Variants in BNC1 observed in about 807,000 individuals in gnomAD.
The protein encoded by BNC1 is zinc finger protein basonuclin-1.
In BNC1, 8 loss-of-function variants were observed where a neutral mutation model predicts 66.5. That is an observed-to-expected ratio of 0.12 (90% CI 0.07 to 0.22). The LOEUF (loss-of-function observed/expected upper bound fraction) is 0.22, where lower values mean the gene tolerates loss of function less well. Among genes scored for constraint, BNC1 ranks in the 10% least tolerant of loss-of-function variants. The pLI is 1.00. For synonymous variants in BNC1, 454 were observed against 452.6 expected (o/e 1.00, Z -0.04); for missense variants, 1,069 against 1,241.3 (o/e 0.86, Z 2.09).
At chr15:83,282,970 G>C (rs2038394978) in intron 1 of BNC1, among the ~76,000 whole-genome samples, 1 of 152,132 alleles carries the variant, frequency 6.6e-6, no homozygotes. Context: ...CTGAGACCAG[G>C]CGTCTGGGCC....
intron 1 of BNC1, among the ~76,000 whole-genome samples, chr15:83,273,585 C>A (rs1429531739): frequency 6.6e-6 from 1 of 152,184 alleles, no homozygotes; most frequent in African/African-American, 2.4e-5. Flanking sequence ...AATCAACATT[C>A]AAAATCCTGG....
In BNC1 at chr15:83,257,848, G is replaced by A. The variant is rs1156236827; in HGVS notation, c.2579C>T (p.Thr860Ile). The change falls in exon 5 of 5, where the codon ACT becomes ATT. Residue 860 changes from threonine to isoleucine, a missense_variant. Thr to Ile is a moderately conservative substitution (Grantham distance 89). Coordinates refer to ENST00000345382, the MANE Select transcript of BNC1 (RefSeq NM_001717.4). ...LSEGTILDLSTTSSMKSESSS... is the reference protein window; with the variant it reads ...LSEGTILDLSITSSMKSESSS... ...ACTCTCTGACTTCATGCTCGAGGTAGTGCTCAAATCCAGGATGGTGCCCTC... is the reference window on the plus strand; with the variant it reads ...ACTCTCTGACTTCATGCTCGAGGTAATGCTCAAATCCAGGATGGTGCCCTC... 1.2e-6 allele frequency: 2 copies of A among 1,614,092 alleles called. No homozygotes were observed. The highest frequency in any genetic ancestry group is 1.7e-6 in the Non-Finnish European group (2 of 1,180,046).
chr15:83,270,011 G>C (rs984815495), intron 1 of BNC1, among the ~76,000 whole-genome samples: 1 of 152,192 alleles, frequency 6.6e-6, no homozygotes, highest in African/African-American at 2.4e-5. Flanking sequence ...TACATGAAAT[G>C]TCAAGAACAG....
At chr15:83,275,169 A>G (rs1246265857) in intron 1 of BNC1, among the ~76,000 whole-genome samples, 1 of 152,246 alleles carries the variant, frequency 6.6e-6, no homozygotes, top group African/African-American at 2.4e-5. Context: ...ATGAACAACA[A>G]ACAGTATCAT....
intron 1 of BNC1, 43 bp from the exon 2 acceptor site, chr15:83,268,275 T>C (rs752456239): frequency 5.4e-6 from 8 of 1,495,158 alleles, no homozygotes; most frequent in Non-Finnish European, 7.5e-6. Context: ...ATGTAAGTGA[T>C]GTGTGAAACA....
Position 83,273,095 on chromosome 15 carries a change from T to G in BNC1, c.100-4863A>C, listed in dbSNP as rs552615015. Among the ~76,000 whole-genome samples, 233 of 152,330 alleles carry G rather than the reference T, an allele frequency of 1.5e-3. 1 individual carries two copies. Among genetic ancestry groups the G allele is most frequent in the African/African-American group, 5.4e-3 (226 of 41,562 alleles). Reference sequence around the variant, plus strand: ...ATAATTTTGTCTATAATTCAATGAATGAATGCAGCTTTATGAGAAATATTC... The same window carrying G: ...ATAATTTTGTCTATAATTCAATGAAGGAATGCAGCTTTATGAGAAATATTC... On this transcript the variant is annotated intron_variant, in intron 1 of 4. Coordinates refer to ENST00000345382, the MANE Select transcript of BNC1 (RefSeq NM_001717.4).
chr15:83,257,705 T>TG lies in BNC1; in HGVS notation c.2721dup (p.Ile908HisfsTer9). On this transcript the variant is annotated frameshift_variant, in exon 5 of 5. Transcript: ENST00000345382. LOFTEE classifies it high-confidence loss of function. ...TCAGCCTTCTCCATCAGGACACAGA[T>TG]GGGGTACTCATCTTCCCCAGGGACA... 1 of 1,614,076 alleles carries TG rather than the reference T, an allele frequency of 6.2e-7. No homozygotes were observed. The highest frequency in any genetic ancestry group is 8.5e-7 in the Non-Finnish European group (1 of 1,179,996).
Position 83,263,967 on chromosome 15 carries a change from G to A in BNC1, c.1284C>T (p.Asn428=). ...NRNNRDKDLR[N]SLNLASSENY... is the part of the protein sequence containing the mutation. ...TCTCAGAGCTGGCCAGGTTCAGGCTGTTCCTGAGGTCTTTGTCCCGGTTAT... is the reference window on the plus strand; with the variant it reads ...TCTCAGAGCTGGCCAGGTTCAGGCTATTCCTGAGGTCTTTGTCCCGGTTAT... The change falls in exon 4 of 5, where the codon AAC becomes AAT. Residue 428 remains asparagine, a synonymous_variant. Coordinates refer to ENST00000345382, the MANE Select transcript of BNC1 (RefSeq NM_001717.4). 1.2e-6 allele frequency: 2 copies of A among 1,614,212 alleles called. No homozygotes were observed. Among genetic ancestry groups the A allele is most frequent in the South Asian group, 1.1e-5 (1 of 91,086 alleles).
Position 83,264,211 on chromosome 15 carries a change from C to T in BNC1, c.1040G>A (p.Arg347Lys), listed in dbSNP as rs770693076. The T allele has an allele frequency of 2.5e-6, 4 of 1,614,086 alleles. No homozygotes were observed. Among genetic ancestry groups the T allele is most frequent in the Admixed American group, 1.7e-5 (1 of 59,988 alleles). Reference protein sequence around the residue: ...LSPEAKVKPERNSLGTKKGRV... With the variant: ...LSPEAKVKPEKNSLGTKKGRV... ...GCCCTTCTTTGTACCAAGGCTATTCCTCTCAGGCTTCACTTTGGCCTCAGG... is the reference window on the plus strand; with the variant it reads ...GCCCTTCTTTGTACCAAGGCTATTCTTCTCAGGCTTCACTTTGGCCTCAGG... The change falls in exon 4 of 5, where the codon AGG becomes AAG. Residue 347 changes from arginine (R) to lysine (K), a missense_variant. Physicochemically the swap from Arg to Lys is conservative, Grantham distance 26. Transcript: ENST00000345382.
At chr15:83,276,992 C>T (rs752128058) in intron 1 of BNC1, among the ~76,000 whole-genome samples, 1 of 152,110 alleles carries the variant, frequency 6.6e-6, no homozygotes, top group Admixed American at 6.5e-5. Context: ...GGAAAAAAAT[C>T]GTAACTCTTC....
At chr15:83,283,585 G>A (rs1451368559) in intron 1 of BNC1, 2 of 888,170 alleles carry the variant, frequency 2.3e-6, no homozygotes, top group Admixed American at 6.2e-5. Flanking sequence ...GCAAACCCCT[G>A]AAGGAAGCGG....
At chr15:83,276,369 A>G (rs1180056950) in intron 1 of BNC1, among the ~76,000 whole-genome samples, 1 of 152,178 alleles carries the variant, frequency 6.6e-6, no homozygotes, top group Non-Finnish European at 1.5e-5. Flanking sequence ...CCAAACCAAC[A>G]CTTAGCACTG....
chr15:83,275,174 T>C (rs2038306932), intron 1 of BNC1, among the ~76,000 whole-genome samples: 1 of 152,180 alleles, frequency 6.6e-6, no homozygotes, highest in Admixed American at 6.5e-5. Context: ...CAACAAACAG[T>C]ATCATTTCAG....
At chr15:83,276,022 C>T (rs940382740) in intron 1 of BNC1, among the ~76,000 whole-genome samples, 1 of 152,112 alleles carries the variant, frequency 6.6e-6, no homozygotes, top group African/African-American at 2.4e-5. Context: ...CTAGGATTGG[C>T]CTCAACCTAT....
intron 4 of BNC1, among the ~76,000 whole-genome samples, chr15:83,259,504 G>T (rs1038955626): frequency 1.3e-5 from 2 of 152,084 alleles, no homozygotes; most frequent in Admixed American, 1.3e-4. Flanking sequence ...GACATAATCA[G>T]AATTATACTC....
chr15:83,279,170 TCATATTATAATATATATGAATGA>T, intron 1 of BNC1, among the ~76,000 whole-genome samples: 1 of 152,268 alleles, frequency 6.6e-6, no homozygotes, highest in Non-Finnish European at 1.5e-5. Context: ...TTTTAGAGCT[TCATATTATAATATATATGAATGA>T]AATTATATAA....
rs751064069 is a variant in BNC1 at position 83,265,222 on chromosome 15, C to G, written c.436-407G>C. On this transcript the variant is annotated intron_variant, in intron 3 of 4. Transcript: ENST00000345382. Reference sequence around the variant, plus strand: ...ATCTAAAGAGAATAGATGGAACAATCAGGCCTAGATGCAGCTCAAGTATTC... The same window carrying G: ...ATCTAAAGAGAATAGATGGAACAATGAGGCCTAGATGCAGCTCAAGTATTC... Among the ~76,000 whole-genome samples the G allele has an allele frequency of 7.9e-5, 12 of 152,314 alleles. 1 individual carries two copies. The East Asian group carries it at 1.2e-3, about 15-fold the overall frequency.
intron 1 of BNC1, among the ~76,000 whole-genome samples, chr15:83,273,948 G>T (rs1323726523): frequency 6.6e-6 from 1 of 152,158 alleles, no homozygotes. Flanking sequence ...TTCATCTCTA[G>T]TATGTGCATA....
Position 83,270,502 on chromosome 15 carries a change from T to A in BNC1, c.100-2270A>T, listed in dbSNP as rs549542400. Among the ~76,000 whole-genome samples the A allele has an allele frequency of 2.9e-3, 447 of 152,302 alleles. 1 individual carries two copies. The highest frequency in any genetic ancestry group is 9.8e-3 in the African/African-American group (408 of 41,564). On this transcript the variant is annotated intron_variant, in intron 1 of 4. Transcript: ENST00000345382. ...ACATCCTCATCAACACTTGTTATTG[T>A]CTGTTTTTTTCATTAGAGCCATCCT...
Sources: allele counts gnomAD v4.1 joint callset (sites outside exome capture counted in the v4.1 genomes callset), GRCh38; gene constraint gnomAD v4.1.1; transcripts MANE v1.5; gene names NCBI Gene and HGNC (gene_info 2026-07-23, HGNC 2026-07-21).